STK39: variants seen among roughly 807,000 people sequenced by gnomAD.
STK39 encodes STE20/SPS1-related proline-alanine-rich protein kinase.
Under a neutral mutation model 77.8 loss-of-function variants are expected in STK39, and 20 were observed. The ratio of observed to expected loss-of-function variants is 0.26; its 90% CI spans 0.18 to 0.37. The LOEUF (loss-of-function observed/expected upper bound fraction) is 0.37, where lower values mean the gene tolerates loss of function less well. Among genes scored for constraint, STK39 ranks in the 10% least tolerant of loss-of-function variants. The pLI is 1.00. For synonymous variants in STK39, 246 were observed against 234.1 expected (o/e 1.05, Z -0.47); for missense variants, 479 against 656.5 (o/e 0.73, Z 2.95).
At position 167,956,667 on chromosome 2, in the gene STK39, G is replaced by GACACACACACACACACACACAC. The variant is rs762455680; in HGVS notation, c.1564-1119_1564-1098dup. ...GACCTCTCCCCCTTGCTTGCTTTTA[G>GACACACACACACACACACACAC]ACACACACACACACACACACACACA... On this transcript the variant is annotated intron_variant, in intron 17 of 17. Transcript: ENST00000355999. Among the ~76,000 whole-genome samples the GACACACACACACACACACACAC allele has an allele frequency of 3.8e-3, 180 of 47,872 alleles. 10 individuals carry two copies. The highest frequency in any genetic ancestry group is 0.011 in the African/African-American group (89 of 8,046). The allele number at this position is 47,872 out of a possible 152,430, so 31.4% of individuals were successfully genotyped here.
intron 13 of STK39, 92 bp downstream of exon 13, chr2:168,065,227 A>C (rs1685762689): frequency 1.5e-6 from 2 of 1,368,982 alleles, no homozygotes; most frequent in Non-Finnish European, 2.1e-6. Flanking sequence ...TGGAGGCACT[A>C]CCTTGAAATT....
chr2:167,981,663 A>G (rs916675904), intron 16 of STK39, among the ~76,000 whole-genome samples: 2 of 152,238 alleles, frequency 1.3e-5, no homozygotes, highest in African/African-American at 4.8e-5. Flanking sequence ...TAAACAAATT[A>G]TTATTAATTG....
chr2:168,191,046 C>T (rs945994309), intron 1 of STK39, among the ~76,000 whole-genome samples: 1 of 152,162 alleles, frequency 6.6e-6, no homozygotes, highest in Non-Finnish European at 1.5e-5. Context: ...CTTCTGATTC[C>T]TTACTGCTTC....
At chr2:167,992,773 C>T (rs1683734173) in intron 16 of STK39, among the ~76,000 whole-genome samples, 1 of 151,882 alleles carries the variant, frequency 6.6e-6, no homozygotes, top group Admixed American at 6.6e-5. Context: ...TTCTGCATAC[C>T]AAATATAGTT....
In STK39 at chr2:168,140,407, G is replaced by GA. The variant is rs1687949807; in HGVS notation, c.739-18dup. 3.1e-6 allele frequency: 5 copies of GA among 1,602,606 alleles called. No individual in the cohort carries two copies. The highest frequency in any genetic ancestry group is 2.2e-5 in the East Asian group (1 of 44,784). ...GCCTCTCACCTAAGAAAGAAAGCAGGAAAAAAACACAATCATACAGCAGGC... is the reference window on the plus strand; with the variant it reads ...GCCTCTCACCTAAGAAAGAAAGCAGGAAAAAAAACACAATCATACAGCAGGC... On this transcript the variant is annotated splice_polypyrimidine_tract_variant and intron_variant, in intron 6 of 17. Coordinates refer to ENST00000355999, the MANE Select transcript of STK39 (RefSeq NM_013233.3).
At chr2:168,190,739 CCTA>C (rs565852454) in intron 1 of STK39, among the ~76,000 whole-genome samples, 187 of 152,296 alleles carry the variant, frequency 1.2e-3, no homozygotes, top group African/African-American at 4.4e-3. Flanking sequence ...TGGACACACT[CCTA>C]CTGAGAAAAT....
At chr2:168,075,791 T>C (rs1303276888) in intron 10 of STK39, among the ~76,000 whole-genome samples, 1 of 152,040 alleles carries the variant, frequency 6.6e-6, no homozygotes, top group Admixed American at 6.6e-5. Flanking sequence ...CTCAACCTAT[T>C]TGAACAAAAC....
At chr2:168,198,193 T>G (rs1036018916) in intron 1 of STK39, among the ~76,000 whole-genome samples, 2 of 152,228 alleles carry the variant, frequency 1.3e-5, no homozygotes, top group Non-Finnish European at 2.9e-5. Context: ...CTCACATTTA[T>G]AGCCACAATA....
rs548023546 is a variant in STK39, at chr2:168,076,231, C to A, written c.1090-1000G>T. Among the ~76,000 whole-genome samples, 22 of 152,246 alleles carry A rather than the reference C, an allele frequency of 1.4e-4. No homozygotes were observed. The South Asian group carries it at 4.6e-3, about 32-fold the overall frequency. ...CAGATGAGGAGATGGAGGCCCAGAA[C>A]GTGACCCAAGATCACACAGTAATGA... is the stretch of plus-strand genomic sequence containing the variant. On this transcript the variant is annotated intron_variant, in intron 10 of 17. Transcript: ENST00000355999.
At chr2:168,074,438 A>G (rs1686021804) in intron 12 of STK39, among the ~76,000 whole-genome samples, 1 of 152,204 alleles carries the variant, frequency 6.6e-6, no homozygotes, top group South Asian at 2.1e-4. Flanking sequence ...TCTCTTAATC[A>G]AAAGATGACC....
At chr2:168,067,242 T>C (rs1048002359) in intron 12 of STK39, among the ~76,000 whole-genome samples, 2 of 152,130 alleles carry the variant, frequency 1.3e-5, no homozygotes, top group African/African-American at 2.4e-5. Flanking sequence ...AAAAAAATGT[T>C]ATCTCCAATG....
At chr2:168,045,846 G>A (rs1324464544) in intron 14 of STK39, among the ~76,000 whole-genome samples, 1 of 152,138 alleles carries the variant, frequency 6.6e-6, no homozygotes. Flanking sequence ...AAGAAAATAT[G>A]GGGAAGGGGT....
intron 16 of STK39, among the ~76,000 whole-genome samples, chr2:168,001,269 C>CAAAAA (rs111793533): frequency 1.4e-4 from 15 of 108,566 alleles, no homozygotes; most frequent in African/African-American, 4.9e-4. Context: ...GGAAACACAT[C>CAAAAA]AAAAAAAAAA....
At chr2:168,106,588 G>A (rs1686980149) in intron 10 of STK39, among the ~76,000 whole-genome samples, 1 of 152,176 alleles carries the variant, frequency 6.6e-6, no homozygotes, top group Admixed American at 6.5e-5. Flanking sequence ...GGGAGGCCAA[G>A]GCAGGAGGAT....
In STK39 at chr2:168,075,007, C is replaced by A; in HGVS notation, c.1217G>T (p.Arg406Leu). Residue 406 changes from arginine (R) to leucine (L), a missense_variant, in exon 12 of 18, where the codon CGA (arginine) becomes CTA (leucine). Transcript: ENST00000355999. The stretch of plus-strand genomic sequence containing the variant: ...CTCTGGATTTTCTTCTTTTACTCTT[C>A]GTGACTGTAAAACAATTATGTATCC... ...GKAAFSQEKSRRVKEENPEIA... is the reference protein window; with the variant it reads ...GKAAFSQEKSLRVKEENPEIA... 6.2e-7 allele frequency: 1 copy of A among 1,613,760 alleles called. No homozygotes were observed. Among genetic ancestry groups the A allele is most frequent in the Non-Finnish European group, 8.5e-7 (1 of 1,179,978 alleles).
chr2:168,246,826 C>T (rs1486670278), intron 1 of STK39, among the ~76,000 whole-genome samples: 2 of 151,974 alleles, frequency 1.3e-5, no homozygotes, highest in African/African-American at 4.8e-5. Flanking sequence ...GGCGGGGCCC[C>T]CGCAACCACA....
At position 168,246,039 on chromosome 2, in the gene STK39, A is replaced by G. The variant is rs187918106; in HGVS notation, c.208+1189T>C. Among the ~76,000 whole-genome samples, 121 of 152,298 alleles carry G rather than the reference A, an allele frequency of 7.9e-4. No homozygotes were observed. In the East Asian group the frequency reaches 0.018, roughly 22 times the overall value. ...TAAAGGCTCATTTAAACACCTAGTG[A>G]AATTTTTATATCTGTTTTAATTTTT... On this transcript the variant is annotated intron_variant, in intron 1 of 17. Transcript: ENST00000355999.
intron 8 of STK39, among the ~76,000 whole-genome samples, chr2:168,131,562 C>A (rs1393073878): frequency 6.6e-6 from 1 of 152,126 alleles, no homozygotes; most frequent in Non-Finnish European, 1.5e-5. Flanking sequence ...ACAGGGGCCC[C>A]AGAAACTATT....
At chr2:168,053,181 C>T (rs769431427) in intron 14 of STK39, among the ~76,000 whole-genome samples, 5 of 152,176 alleles carry the variant, frequency 3.3e-5, no homozygotes, top group Non-Finnish European at 7.3e-5. Context: ...TGGGAACTCC[C>T]TCAATATCAA....
Sources: allele counts gnomAD v4.1 joint callset (sites outside exome capture counted in the v4.1 genomes callset), GRCh38; gene constraint gnomAD v4.1.1; transcripts MANE v1.5; gene names NCBI Gene and HGNC (gene_info 2026-07-23, HGNC 2026-07-21).